The following HMGB1 variants were observed in gnomAD, a reference collection of about 807,000 sequenced individuals.
HMGB1 encodes the protein high mobility group protein B1.
For synonymous variants in HMGB1, 81 were observed against 84.0 expected, an observed-to-expected ratio of 0.96 and a Z score of 0.19; for missense variants, 79 against 253.5, an observed-to-expected ratio of 0.31 and a Z score of 4.67.
At chr13:30,481,835 G>A (rs887584889) in intron 1 of HMGB1, among the ~76,000 whole-genome samples, 1 of 151,736 alleles carries the variant, frequency 6.6e-6, no homozygotes, top group African/African-American at 2.4e-5. Context: ...GTATTCTTAA[G>A]TCTTTCTTTT....
intron 1 of HMGB1, among the ~76,000 whole-genome samples, chr13:30,497,487 T>C (rs1887637210): frequency 6.6e-6 from 1 of 151,034 alleles, no homozygotes; most frequent in South Asian, 2.1e-4. Flanking sequence ...GGGATACACA[T>C]GCAGGTTTGT....
At position 30,460,015 on chromosome 13, in the gene HMGB1, T is replaced by C. The variant is rs1474853411; in HGVS notation, c.*1342A>G. ...AGCGTGTAAAATTACAAGAACGCTA[T>C]TTTAAAATACTGGCACTTTAAGAAA... is the stretch of plus-strand genomic sequence containing the variant. On this transcript the variant is annotated 3_prime_UTR_variant, in exon 5 of 5. Coordinates refer to ENST00000341423, the MANE Select transcript of HMGB1 (RefSeq NM_002128.7). 1 of 152,606 alleles carries C rather than the reference T, an allele frequency of 6.6e-6. No homozygotes were observed. The highest frequency in any genetic ancestry group is 1.5e-5 in the Non-Finnish European group (1 of 68,004). 9.5% of individuals were successfully genotyped at this position (152,606 alleles called of 1,614,324 possible).
Position 30,478,993 on chromosome 13 carries a change from C to T in HMGB1, c.-14-15299G>A, listed in dbSNP as rs1887167343. ...AAGCGATTCTCGTGCCTCAGCCTCC[C>T]AAATAGCTGGGCCAAATCCCAATTT... is the stretch of plus-strand genomic sequence containing the variant. On this transcript the variant is annotated intron_variant, in intron 1 of 4. Transcript: ENST00000405805. Among the ~76,000 whole-genome samples the T allele has an allele frequency of 3.3e-5, 5 of 152,004 alleles. No homozygotes were observed. In the South Asian group the frequency reaches 1.0e-3, roughly 32 times the overall value.
chr13:30,555,404 T>A (rs1296463245), intron 1 of HMGB1, among the ~76,000 whole-genome samples: 4 of 152,198 alleles, frequency 2.6e-5, no homozygotes, highest in African/African-American at 7.2e-5. Context: ...TTAGGAGAGA[T>A]TAATTTGTGT....
At chr13:30,570,077 G>A (rs1437658058) in intron 1 of HMGB1, among the ~76,000 whole-genome samples, 1 of 152,206 alleles carries the variant, frequency 6.6e-6, no homozygotes, top group Admixed American at 6.5e-5. Context: ...TTCTTTGTAA[G>A]TGAAGGACAG....
rs977243857 is a variant in HMGB1 at position 30,559,320 on chromosome 13, T to C, written c.-15+57351A>G. Among the ~76,000 whole-genome samples the C allele has an allele frequency of 1.3e-5, 2 of 152,118 alleles. No homozygotes were observed. Among genetic ancestry groups the C allele is most frequent in the Non-Finnish European group, 1.5e-5 (1 of 68,022 alleles). On this transcript the variant is annotated intron_variant, in intron 1 of 4. Transcript: ENST00000405805. This position sits in a 1 kb window ranked among gnomAD's most constrained non-coding sequence, Gnocchi z 6.6. ...GACAACCTTTCCTCACCATTGACAA[T>C]GGTCATTTACAAGACCATGGCTTAT...
intron 1 of HMGB1, among the ~76,000 whole-genome samples, chr13:30,571,454 C>T (rs1870426809): frequency 6.6e-6 from 1 of 152,008 alleles, no homozygotes; most frequent in Admixed American, 6.6e-5. Flanking sequence ...GCCACCATGC[C>T]CGGCTAATTT....
rs77610201 is a variant in HMGB1 at position 30,492,349 on chromosome 13, A to G, written c.-14-28655T>C. Reference sequence around the variant, plus strand: ...AAAAAAAATTATTCATACATTAAAAAAAAATGAAAAAAGATAAAGCATAGA... The same window carrying G: ...AAAAAAAATTATTCATACATTAAAAGAAAATGAAAAAAGATAAAGCATAGA... On this transcript the variant is annotated intron_variant, in intron 1 of 4. Transcript: ENST00000405805. Among the ~76,000 whole-genome samples, 1,225 of 152,274 alleles carry G rather than the reference A, an allele frequency of 8.0e-3. 5 individuals are homozygous for G. Among genetic ancestry groups the G allele is most frequent in the Middle Eastern group, 0.02 (6 of 294 alleles).
chr13:30,480,493 T>C (rs1461890832), intron 1 of HMGB1, among the ~76,000 whole-genome samples: 1 of 152,236 alleles, frequency 6.6e-6, no homozygotes, highest in African/African-American at 2.4e-5. Flanking sequence ...CCTGAATAGC[T>C]GGAACTACAG....
At chr13:30,539,592 TG>T in intron 1 of HMGB1, 5 of 273,154 alleles carry the variant, frequency 1.8e-5, no homozygotes, top group Non-Finnish European at 6.8e-6. Context: ...GCTAATGTGC[TG>T]GGGGCAGCTG....
chr13:30,611,838 A>G (rs1950515396), intron 1 of HMGB1, among the ~76,000 whole-genome samples: 1 of 150,824 alleles, frequency 6.6e-6, no homozygotes, highest in South Asian at 2.1e-4. Context: ...CTTTATTAAA[A>G]AAACAGTAAA....
chr13:30,602,535 T>C (rs961876789), intron 1 of HMGB1, among the ~76,000 whole-genome samples: 1 of 152,250 alleles, frequency 6.6e-6, no homozygotes, highest in Non-Finnish European at 1.5e-5. Context: ...CTTCATACTT[T>C]AAAAGTCATT....
chr13:30,514,450 T>C (rs575164543), intron 1 of HMGB1, among the ~76,000 whole-genome samples: 37 of 147,284 alleles, frequency 2.5e-4, no homozygotes, highest in African/African-American at 9.2e-4. Context: ...CAGCCTCCCA[T>C]GTAGTTAGGA....
At chr13:30,466,015 C>G (rs1469525088), upstream of HMGB1, 2 of 940,930 alleles carry the variant, frequency 2.1e-6, no homozygotes, top group Non-Finnish European at 2.5e-6. Context: ...TCCCATTGTC[C>G]TGACCAGAGC....
At chr13:30,483,638 A>G (rs1040672018) in intron 1 of HMGB1, among the ~76,000 whole-genome samples, 1 of 107,818 alleles carries the variant, frequency 9.3e-6, no homozygotes, top group Non-Finnish European at 2.0e-5. Flanking sequence ...TTTTTGAGTC[A>G]GGGTCTCCCT....
chr13:30,509,782 A>G (rs1887950107), intron 1 of HMGB1, among the ~76,000 whole-genome samples: 1 of 152,222 alleles, frequency 6.6e-6, no homozygotes, highest in African/African-American at 2.4e-5. Context: ...AGGTCCATGC[A>G]TATTCACTGG....
At chr13:30,475,225 CT>C (rs371643884) in intron 1 of HMGB1, among the ~76,000 whole-genome samples, 1,279 of 92,532 alleles carry the variant, frequency 0.014, 32 homozygotes, top group African/African-American at 0.053. Context: ...CTCTCTCTCT[CT>C]TTTTTTTTTT....
At chr13:30,487,493 C>T (rs1887390926) in intron 1 of HMGB1, among the ~76,000 whole-genome samples, 1 of 152,196 alleles carries the variant, frequency 6.6e-6, no homozygotes, top group Admixed American at 6.5e-5. Flanking sequence ...AAAATAAGCA[C>T]CTGAACTGAA....
chr13:30,496,367 C>G (rs755615948), intron 1 of HMGB1, among the ~76,000 whole-genome samples: 5 of 152,234 alleles, frequency 3.3e-5, no homozygotes, highest in Non-Finnish European at 7.3e-5. Context: ...CCTAGACTCA[C>G]AGCCTGGCAC....
Sources: allele counts gnomAD v4.1 joint callset (sites outside exome capture counted in the v4.1 genomes callset), GRCh38; gene constraint gnomAD v4.1.1; non-coding constraint Gnocchi (gnomAD v3.1); transcripts MANE v1.5; gene names NCBI Gene and HGNC (gene_info 2026-07-23, HGNC 2026-07-21).